Variants in PRAG1 observed in about 807,000 individuals in gnomAD.
PRAG1 encodes inactive tyrosine-protein kinase PRAG1.
PRAG1 carries 110 observed loss-of-function variants against 95.6 expected under a neutral mutation model. The ratio of observed to expected loss-of-function variants is 1.15; its 90% confidence interval spans 0.99 to 1.35. The LOEUF (loss-of-function observed/expected upper bound fraction) is 1.35, where lower values mean the gene tolerates loss of function less well. Among genes scored for constraint, PRAG1 ranks in the 40% most tolerant of loss-of-function variants. The probability of loss-of-function intolerance (pLI) is 0.00; values close to 1 mark genes in which losing one functional copy is unlikely to be tolerated. For missense variants in PRAG1, 2,554 were observed against 1,864.7 expected (o/e 1.37, Z -6.81); for synonymous variants, 1,052 against 819.4 (o/e 1.28, Z -4.85).
Position 8,318,259 on chromosome 8 carries a change from A to T in PRAG1, c.4116T>A (p.Asp1372Glu). Reference protein sequence around the residue: ...MMMKFAEKAVDRRRGVELEDW... With the variant: ...MMMKFAEKAVERRRGVELEDW... ...CCTCCAGCTCCACGCCCCGCCTGCG[A>T]TCCACCGCCTTCTCCGCAAACTTCA... is the stretch of plus-strand genomic sequence containing the variant. The change falls in exon 6 of 6, where the codon GAT becomes GAA. Residue 1372 changes from aspartate (D) to glutamate (E), a missense_variant. Physicochemically the swap from Asp to Glu is conservative, Grantham distance 45 (BLOSUM62 2). Transcript: ENST00000615670. The surrounding 1 kb of genome is among the most constrained non-coding windows in gnomAD (Gnocchi z 4.2). The T allele has an allele frequency of 1.9e-6, 3 of 1,614,162 alleles. No individual in the cohort carries two copies. Among genetic ancestry groups the T allele is most frequent in the Non-Finnish European group, 2.5e-6 (3 of 1,180,012 alleles).
chr8:8,348,444 A>G (rs893576312), intron 3 of PRAG1, among the ~76,000 whole-genome samples: 1 of 152,188 alleles, frequency 6.6e-6, no homozygotes, highest in African/African-American at 2.4e-5. Flanking sequence ...TATTCATTCC[A>G]TTGTACACAT....
At chr8:8,375,218 T>TTTTTTGTG (rs1563254527) in intron 3 of PRAG1, among the ~76,000 whole-genome samples, 1 of 151,722 alleles carries the variant, frequency 6.6e-6, no homozygotes, top group African/African-American at 2.4e-5. Flanking sequence ...TTTTTTTTGT[T>TTTTTTGTG]TTTTTGAGAC....
intron 4 of PRAG1, among the ~76,000 whole-genome samples, chr8:8,335,513 C>T (rs932438983): frequency 4.6e-5 from 7 of 151,968 alleles, no homozygotes; most frequent in African/African-American, 7.2e-5. Context: ...ACTGACTTTT[C>T]ATTTTATTCC....
chr8:8,327,151 T>G (rs1487755769), intron 5 of PRAG1, among the ~76,000 whole-genome samples: 1 of 152,222 alleles, frequency 6.6e-6, no homozygotes, highest in Non-Finnish European at 1.5e-5. Flanking sequence ...TCCGTTGCAC[T>G]AAAAGGCAAC....
chr8:8,322,854 A>T (rs1306815339), intron 5 of PRAG1, among the ~76,000 whole-genome samples: 1 of 152,192 alleles, frequency 6.6e-6, no homozygotes, highest in Non-Finnish European at 1.5e-5. Context: ...TTCAATGTAC[A>T]TCATACATGT....
At chr8:8,341,406 A>G (rs766005305) in intron 3 of PRAG1, among the ~76,000 whole-genome samples, 6 of 151,902 alleles carry the variant, frequency 3.9e-5, no homozygotes, top group Non-Finnish European at 5.9e-5. Flanking sequence ...GGTGCCAGAT[A>G]CAAAGAGGGA....
chr8:8,350,270 T>A (rs1334974023), intron 3 of PRAG1, among the ~76,000 whole-genome samples: 1 of 152,184 alleles, frequency 6.6e-6, no homozygotes, highest in Admixed American at 6.5e-5. Context: ...CAGCTGAGGC[T>A]GCAGACAGGG....
chr8:8,327,093 C>T (rs1430212219), intron 5 of PRAG1, among the ~76,000 whole-genome samples: 1 of 152,144 alleles, frequency 6.6e-6, no homozygotes, highest in African/African-American at 2.4e-5. Flanking sequence ...AAGTACCTGG[C>T]CTATAGTAGA....
Position 8,377,791 on chromosome 8 carries a change from G to A in PRAG1, c.618C>T (p.Ser206=), listed in dbSNP as rs571311964. Residue 206 remains serine, a synonymous_variant, in exon 3 of 6, where the codon AGC becomes AGT. Coordinates refer to ENST00000615670, the MANE Select transcript of PRAG1 (RefSeq NM_001080826.3). ...PYQDRPSTQE[S]FRQKLAAFAG... ...CAAAGGCAGCCAGTTTCTGGCGGAA[G>A]CTCTCCTGGGTGGAGGGCCGGTCTT... 6.2e-7 allele frequency: 1 copy of A among 1,614,150 alleles called. No homozygotes were observed. The highest frequency in any genetic ancestry group is 1.7e-5 in the Admixed American group (1 of 60,032).
intron 5 of PRAG1, among the ~76,000 whole-genome samples, chr8:8,321,560 G>T (rs1051369613): frequency 1.3e-5 from 2 of 152,216 alleles, no homozygotes; most frequent in Non-Finnish European, 2.9e-5. Context: ...TACAGACTGG[G>T]CTCTTGCATG....
chr8:8,372,825 G>A (rs187796086), intron 3 of PRAG1, among the ~76,000 whole-genome samples: 95 of 152,224 alleles, frequency 6.2e-4, no homozygotes, highest in African/African-American at 2.2e-3. Context: ...TGTAAAATAG[G>A]GCGATAAACA....
Position 8,376,827 on chromosome 8 carries a change from T to C in PRAG1, c.1582A>G (p.Ser528Gly). 6.2e-7 allele frequency: 1 copy of C among 1,612,490 alleles called. No individual in the cohort carries two copies. The highest frequency in any genetic ancestry group is 1.1e-5 in the South Asian group (1 of 91,064). ...SAGQGLSSRE[S>G]HAHSASESKP... ...CTCTCGCTGGCACTGTGAGCATGGC[T>C]TTCCCTGGAGCTCAGCCCCTGCCCA... The change falls in exon 3 of 6, where the codon AGC becomes GGC. Residue 528 changes from serine to glycine, a missense_variant. Physicochemically the swap from Ser to Gly is moderately conservative, Grantham distance 56. Transcript: ENST00000615670.
Position 8,328,424 on chromosome 8 carries a change from G to A in PRAG1, c.2358C>T (p.Ser786=), listed in dbSNP as rs750394600. 10 of 1,613,574 alleles carry A rather than the reference G, an allele frequency of 6.2e-6. No homozygotes were observed. Among genetic ancestry groups the A allele is most frequent in the South Asian group, 2.2e-5 (2 of 91,084 alleles). Residue 786 remains serine, a synonymous_variant, in exon 5 of 6, where the codon AGC becomes AGT. Transcript: ENST00000615670. ...SSELAHSPTN[S]GKKLFAPVPF... ...GAACGGGAGCAAAGAGCTTCTTCCC[G>A]CTGTTGGTGGGCGAGTGAGCCAGCT...
rs1472737959 is a variant in PRAG1 at position 8,318,185 on chromosome 8, A to G, written c.4190T>C (p.Leu1397Ser). The change falls in exon 6 of 6, where the codon TTA becomes TCA. Residue 1397 changes from leucine (L) to serine (S), a missense_variant. By Grantham distance (145) the Leu-to-Ser change is moderately radical. Transcript: ENST00000615670. This position sits in a 1 kb window ranked among gnomAD's most constrained non-coding sequence, Gnocchi z 4.2. ...AAGCTGCAGGAGCTTCAGCGACTGT[A>G]AGAGGGCCCCGGGCTCCGCAGACGC... ...YLASAEPGAL[L>S]QSLKLLQLL 6.2e-7 allele frequency: 1 copy of G among 1,613,864 alleles called. No homozygotes were observed. Among genetic ancestry groups the G allele is most frequent in the African/African-American group, 1.3e-5 (1 of 75,046 alleles).
At chr8:8,368,317 C>T (rs1800078701) in intron 3 of PRAG1, among the ~76,000 whole-genome samples, 1 of 152,200 alleles carries the variant, frequency 6.6e-6, no homozygotes, top group African/African-American at 2.4e-5. Context: ...CCGTCCAGTG[C>T]ATCAGACTGA....
At chr8:8,368,565 T>G (rs1311790697) in intron 3 of PRAG1, among the ~76,000 whole-genome samples, 1 of 152,238 alleles carries the variant, frequency 6.6e-6, no homozygotes, top group Non-Finnish European at 1.5e-5. Context: ...AGATCTTTAA[T>G]GAGGGCATTA....
At chr8:8,381,897 A>C (rs1485960605) in intron 1 of PRAG1, 63 bp from the exon 2 acceptor site, 6 of 599,554 alleles carry the variant, frequency 1.0e-5, no homozygotes, top group Non-Finnish European at 1.7e-5. Context: ...GTGCATTATC[A>C]ATTAGAGTCT....
intron 3 of PRAG1, among the ~76,000 whole-genome samples, chr8:8,346,961 AAATACACT>A (rs1181364079): frequency 6.6e-6 from 1 of 152,208 alleles, no homozygotes; most frequent in Admixed American, 6.5e-5. Context: ...GGGATTGGTC[AAATACACT>A]AGTAAGTTTA....
At chr8:8,329,350 G>A (rs780850900) in intron 4 of PRAG1, among the ~76,000 whole-genome samples, 17 of 151,906 alleles carry the variant, frequency 1.1e-4, no homozygotes, top group South Asian at 2.1e-4. Flanking sequence ...CCAAGATTGC[G>A]CCACTACACT....
Sources: allele counts gnomAD v4.1 joint callset (sites outside exome capture counted in the v4.1 genomes callset), GRCh38; gene constraint gnomAD v4.1.1; non-coding constraint Gnocchi (gnomAD v3.1); transcripts MANE v1.5; gene names NCBI Gene and HGNC (gene_info 2026-07-23, HGNC 2026-07-21).